The following GCDH variants were observed in gnomAD, a reference collection of about 807,000 sequenced individuals.
The protein encoded by GCDH is glutaryl-CoA dehydrogenase, mitochondrial.
Under a neutral mutation model 52.8 loss-of-function variants are expected in GCDH, and 31 were observed. The ratio of observed to expected loss-of-function variants is 0.59; its 90% confidence interval spans 0.44 to 0.79. The LOEUF is 0.79. GCDH is among the 30% of genes least tolerant of loss of function. The pLI is 0.00. For missense variants in GCDH, 509 were observed against 595.0 expected (o/e 0.86, Z 1.50); for synonymous variants, 242 against 250.0 (o/e 0.97, Z 0.30).
At chr19:12,893,812 T>C in intron 6 of GCDH, 159 bp downstream of exon 6, 1 of 717,514 alleles carries the variant, frequency 1.4e-6, no homozygotes, top group Non-Finnish European at 2.5e-6. Context: ...CCTGGAGATC[T>C]GATCCCTGGC....
At chr19:12,891,619 C>T (rs757915352) in intron 3 of GCDH, 97 bp downstream of exon 3, 3 of 1,611,652 alleles carry the variant, frequency 1.9e-6, no homozygotes, top group East Asian at 2.2e-5. Flanking sequence ...GCTGCCCGAG[C>T]GGGGTGGCAG....
At position 12,897,694 on chromosome 19, in the gene GCDH, C is replaced by G. The variant is rs778065536; in HGVS notation, c.1083-9C>G. 7 of 1,613,844 alleles carry G rather than the reference C, an allele frequency of 4.3e-6. No homozygotes were observed. Among genetic ancestry groups the G allele is most frequent in the Non-Finnish European group, 5.1e-6 (6 of 1,179,934 alleles). On this transcript the variant is annotated splice_polypyrimidine_tract_variant and intron_variant, in intron 10 of 11. Transcript: ENST00000222214. ...CCCAGTCCTTGTTACCCTCATGTGC[C>G]ACTCCCAGGGCTGCCCCCGAGATGG... is the stretch of plus-strand genomic sequence containing the variant.
rs1970795532 is a variant in GCDH, at chr19:12,899,862, C to T, written c.*321C>T. 6.3e-7 allele frequency: 1 copy of T among 1,587,872 alleles called. No homozygotes were observed. Among genetic ancestry groups the T allele is most frequent in the African/African-American group, 1.3e-5 (1 of 74,320 alleles). On this transcript the variant is annotated 3_prime_UTR_variant, in exon 12 of 12. Transcript: ENST00000222214. Reference sequence around the variant, plus strand: ...CTCCGTCTGCTGCAGCTGACCCCCTCACACTGAGTTCACAGTGCGCCCTCC... The same window carrying T: ...CTCCGTCTGCTGCAGCTGACCCCCTTACACTGAGTTCACAGTGCGCCCTCC...
At position 12,891,542 on chromosome 19, in the gene GCDH, C is replaced by G; in HGVS notation, c.127+20C>G. ...CTAAGTGTAAGGACCTCTGGTCGCACCGTGTGTCTGCTGCCCCTGTTCAGC... is the reference window on the plus strand; with the variant it reads ...CTAAGTGTAAGGACCTCTGGTCGCAGCGTGTGTCTGCTGCCCCTGTTCAGC... On this transcript the variant is annotated intron_variant, in intron 3 of 11. Transcript: ENST00000222214. 6.2e-7 allele frequency: 1 copy of G among 1,614,148 alleles called. No homozygotes were observed. Among genetic ancestry groups the G allele is most frequent in the Non-Finnish European group, 8.5e-7 (1 of 1,180,006 alleles).
intron 6 of GCDH, chr19:12,894,013 C>T: frequency 1.7e-6 from 1 of 586,718 alleles, no homozygotes. Context: ...CCAGCCTGGG[C>T]AACGTAAGGA....
At chr19:12,895,054 A>T (rs951913903) in intron 6 of GCDH, among the ~76,000 whole-genome samples, 1 of 151,834 alleles carries the variant, frequency 6.6e-6, no homozygotes, top group Non-Finnish European at 1.5e-5. Flanking sequence ...TTCTTTACAC[A>T]TCTGTTCCCT....
Position 12,899,882 on chromosome 19 carries a change from C to T in GCDH, c.*341C>T. On this transcript the variant is annotated 3_prime_UTR_variant, in exon 12 of 12. Coordinates refer to ENST00000222214, the MANE Select transcript of GCDH (RefSeq NM_000159.4). ...CCCCTCACACTGAGTTCACAGTGCG[C>T]CCTCCCTCCCTCCCATCTGGGGGTA... is the stretch of plus-strand genomic sequence containing the variant. 2 of 1,554,942 alleles carry T rather than the reference C, an allele frequency of 1.3e-6. No homozygotes were observed. The highest frequency in any genetic ancestry group is 1.8e-6 in the Non-Finnish European group (2 of 1,133,234).
intron 3 of GCDH, 42 bp from the exon 4 acceptor site, chr19:12,891,789 A>G: frequency 6.2e-7 from 1 of 1,612,350 alleles, no homozygotes; most frequent in Non-Finnish European, 8.5e-7. Flanking sequence ...GGGAGGGCAC[A>G]GTGATCTTGC....
chr19:12,893,839 C>T (rs150833523), intron 6 of GCDH, 186 bp downstream of exon 6: 2 of 669,584 alleles, frequency 3.0e-6, no homozygotes, highest in East Asian at 2.7e-5. Context: ...GACTGTCCCC[C>T]TCTGTGACCA....
chr19:12,893,401 C>A, intron 5 of GCDH, 82 bp from the exon 6 acceptor site: 1 of 1,252,450 alleles, frequency 8.0e-7, no homozygotes, highest in Non-Finnish European at 1.2e-6. Context: ...CTTGTGTGTC[C>A]TTATTCAGCC....
At position 12,893,528 on chromosome 19, in the gene GCDH, C is replaced by A; in HGVS notation, c.380C>A (p.Ala127Asp). ...GVSSVAYGLL[A>D]RELERVDSGY... ...TCGTCTGTGGCCTATGGGCTCCTGG[C>A]CCGAGAGCTGGAGCGGGTGGACAGT... The change falls in exon 6 of 12, where the codon GCC becomes GAC. Residue 127 changes from alanine (A) to aspartate (D), a missense_variant. Transcript: ENST00000222214. 2 of 1,613,822 alleles carry A rather than the reference C, an allele frequency of 1.2e-6. No homozygotes were observed.
chr19:12,899,068 A>G, intron 11 of GCDH: 1 of 498,952 alleles, frequency 2.0e-6, no homozygotes, highest in Non-Finnish European at 3.6e-6. Context: ...GTGGCAAGGA[A>G]GCGTGGCCAG....
chr19:12,899,805 C>T lies in GCDH; in HGVS notation c.*264C>T, dbSNP rs1248341536. 1.9e-6 allele frequency: 3 copies of T among 1,585,422 alleles called. No individual in the cohort carries two copies. Among genetic ancestry groups the T allele is most frequent in the Non-Finnish European group, 2.6e-6 (3 of 1,155,002 alleles). ...GACTCCATTTACCCTGAAATAGCAG[C>T]TTCTCTTGAGAGGAGAGTGACATGG... On this transcript the variant is annotated 3_prime_UTR_variant, in exon 12 of 12. Transcript: ENST00000222214.
intron 6 of GCDH, chr19:12,894,514 T>C: frequency 2.9e-6 from 2 of 692,552 alleles, no homozygotes; most frequent in South Asian, 1.6e-5. Context: ...TGACTGAGAC[T>C]ATGATGCCTC....
Position 12,898,586 on chromosome 19 carries a change from T to C in GCDH, c.1243+723T>C, listed in dbSNP as rs565898547. On this transcript the variant is annotated intron_variant, in intron 11 of 11. Transcript: ENST00000222214. Reference sequence around the variant, plus strand: ...CCCTGAGGACAAGCAGCGGGCGCCATGAGATGGTTTTATGCAGAGAAGGGA... The same window carrying C: ...CCCTGAGGACAAGCAGCGGGCGCCACGAGATGGTTTTATGCAGAGAAGGGA... 4.5e-4 allele frequency among the ~76,000 whole-genome samples: 67 copies of C among 150,502 alleles called. 1 individual carries two copies. The South Asian group carries it at 0.014, about 31-fold the overall frequency.
intron 9 of GCDH, 24 bp from the exon 10 acceptor site, chr19:12,897,279 C>T: frequency 6.2e-7 from 1 of 1,613,382 alleles, no homozygotes; most frequent in Non-Finnish European, 8.5e-7. Context: ...TCCCCTCGCT[C>T]TTACCCTGCC....
At chr19:12,897,625 C>A in intron 10 of GCDH, 78 bp from the exon 11 acceptor site, 1 of 1,567,470 alleles carries the variant, frequency 6.4e-7, no homozygotes, top group Non-Finnish European at 8.8e-7. Context: ...CAGGGAATCC[C>A]CACCCCGGGC....
intron 3 of GCDH, 72 bp from the exon 4 acceptor site, chr19:12,891,759 G>A (rs1599607453): frequency 3.1e-6 from 5 of 1,610,028 alleles, no homozygotes; most frequent in Non-Finnish European, 4.2e-6. Flanking sequence ...TGGGGGGTAG[G>A]GCTGATGAGG....
chr19:12,894,774 C>T, intron 6 of GCDH: 1 of 815,374 alleles, frequency 1.2e-6, no homozygotes, highest in South Asian at 2.1e-5. Context: ...AAACTTTTGG[C>T]CAAGAGAATG....
Sources: allele counts gnomAD v4.1 joint callset (sites outside exome capture counted in the v4.1 genomes callset), GRCh38; gene constraint gnomAD v4.1.1; transcripts MANE v1.5; gene names NCBI Gene and HGNC (gene_info 2026-07-23, HGNC 2026-07-21).